LSM6: variants seen among roughly 807,000 people sequenced by gnomAD.
LSM6 encodes the protein U6 snRNA-associated Sm-like protein LSm6.
LSM6 carries 2 observed loss-of-function variants against 13.5 expected under a neutral mutation model. The ratio of observed to expected loss-of-function variants is 0.15; its 90% CI spans 0.06 to 0.47. LSM6 has a LOEUF of 0.47. Among genes scored for constraint, LSM6 ranks in the 20% least tolerant of loss-of-function variants. The pLI is 0.97. For synonymous variants in LSM6, 43 were observed against 34.9 expected, an observed-to-expected ratio of 1.23 and a Z score of -0.82; for missense variants, 58 against 96.4, an observed-to-expected ratio of 0.60 and a Z score of 1.67.
At chr4:146,189,364 A>AT (rs1468117687) in intron 3 of LSM6, among the ~76,000 whole-genome samples, 1 of 152,150 alleles carries the variant, frequency 6.6e-6, no homozygotes. Flanking sequence ...CATATATTTT[A>AT]TTTTATCTTC....
At chr4:146,188,571 A>G (rs1730398123) in intron 3 of LSM6, among the ~76,000 whole-genome samples, 1 of 152,216 alleles carries the variant, frequency 6.6e-6, no homozygotes, top group Non-Finnish European at 1.5e-5. Flanking sequence ...TCTTTGATGA[A>G]GACACCTTAC....
intron 2 of LSM6, among the ~76,000 whole-genome samples, chr4:146,186,205 A>T (rs1406344690): frequency 6.6e-6 from 1 of 152,338 alleles, no homozygotes; most frequent in East Asian, 1.9e-4. Context: ...TAATTTTATT[A>T]TTCACAGTCC....
At chr4:146,182,152 C>G (rs932721239) in intron 1 of LSM6, among the ~76,000 whole-genome samples, 1 of 150,548 alleles carries the variant, frequency 6.6e-6, no homozygotes, top group Non-Finnish European at 1.5e-5. Flanking sequence ...TTTAATCTTT[C>G]TGTGTCTTCT....
chr4:146,187,278 C>A lies in LSM6; in HGVS notation c.99C>A (p.Val33=). The A allele has an allele frequency of 6.2e-7, 1 of 1,600,700 alleles. No individual in the cohort carries two copies. The highest frequency in any genetic ancestry group is 8.6e-7 in the Non-Finnish European group (1 of 1,167,992). Residue 33 remains valine (V), a synonymous_variant, in exon 3 of 4, where the codon GTC becomes GTA. Coordinates refer to ENST00000296581, the MANE Select transcript of LSM6 (RefSeq NM_007080.3). ...KLNSGVDYRG[V]LACLDGYMNI... ...TTTGACTAAATATGTCTGCAGGGGTCCTGGCTTGCCTGGATGGCTACATGA... is the reference window on the plus strand; with the variant it reads ...TTTGACTAAATATGTCTGCAGGGGTACTGGCTTGCCTGGATGGCTACATGA...
chr4:146,188,381 T>C (rs991923340), intron 3 of LSM6, among the ~76,000 whole-genome samples: 9 of 151,056 alleles, frequency 6.0e-5, no homozygotes, highest in Non-Finnish European at 1.0e-4. Context: ...TCCTTTAACG[T>C]GCACACTACC....
At chr4:146,181,701 C>A (rs1300566053) in intron 1 of LSM6, among the ~76,000 whole-genome samples, 2 of 152,098 alleles carry the variant, frequency 1.3e-5, no homozygotes, top group Non-Finnish European at 2.9e-5. Flanking sequence ...AATATTGTAT[C>A]CATACTAACT....
intron 1 of LSM6, 41 bp from the exon 2 acceptor site, chr4:146,182,871 G>C: frequency 1.7e-6 from 2 of 1,153,700 alleles, no homozygotes; most frequent in Non-Finnish European, 2.6e-6. Flanking sequence ...AATCAACTTT[G>C]GTCTTTACCT....
chr4:146,189,560 T>C, intron 3 of LSM6, 62 bp from the exon 4 acceptor site: 9 of 1,040,062 alleles, frequency 8.7e-6, no homozygotes, highest in Non-Finnish European at 1.3e-5. Flanking sequence ...TTAAACTTGC[T>C]ACTATGTATA....
At chr4:146,186,170 G>A (rs183121400) in intron 2 of LSM6, among the ~76,000 whole-genome samples, 5 of 152,290 alleles carry the variant, frequency 3.3e-5, no homozygotes, top group African/African-American at 1.2e-4. Flanking sequence ...TAAAGTTGTA[G>A]CTTAAGCTTT....
At chr4:146,184,562 C>T (rs775929768) in intron 2 of LSM6, among the ~76,000 whole-genome samples, 19 of 151,982 alleles carry the variant, frequency 1.3e-4, no homozygotes, top group Admixed American at 4.6e-4. Flanking sequence ...ATAATGTCTC[C>T]GTGTACTGCC....
At chr4:146,186,511 T>C (rs1334799700) in intron 2 of LSM6, among the ~76,000 whole-genome samples, 1 of 152,196 alleles carries the variant, frequency 6.6e-6, no homozygotes, top group Non-Finnish European at 1.5e-5. Context: ...GATCATCAGG[T>C]CAAATTTTAC....
Position 146,191,258 on chromosome 4 carries a change from G to A in LSM6, c.*1602G>A, listed in dbSNP as rs1730463100. ...CTCATTTGTTTTGTAGAATATGTGG[G>A]GCTGCAGGTTATTGTGTCCCTTCAT... On this transcript the variant is annotated 3_prime_UTR_variant, in exon 4 of 4. Coordinates refer to ENST00000296581, the MANE Select transcript of LSM6 (RefSeq NM_007080.3). 6.6e-6 allele frequency: 1 copy of A among 152,080 alleles called. No individual in the cohort carries two copies. The highest frequency in any genetic ancestry group is 2.4e-5 in the African/African-American group (1 of 41,392). 9.4% of individuals were successfully genotyped at this position (152,080 alleles called of 1,614,324 possible).
chr4:146,183,057 AGT>A, intron 2 of LSM6, 42 bp downstream of exon 2: 1 of 1,358,392 alleles, frequency 7.4e-7, no homozygotes, highest in Non-Finnish European at 1.1e-6. Flanking sequence ...TAACTGAATA[AGT>A]AAATGTGACT....
intron 2 of LSM6, chr4:146,183,471 C>CA (rs535392452): frequency 0.23 from 33,485 of 146,406 alleles, 4,736 homozygotes; most frequent in Non-Finnish European, 0.32. Context: ...GACTCTGTCT[C>CA]AAAAAAAAAA....
intron 3 of LSM6, 77 bp downstream of exon 3, chr4:146,187,464 CT>C: frequency 2.3e-6 from 2 of 862,172 alleles, no homozygotes; most frequent in Non-Finnish European, 3.6e-6. Flanking sequence ...AAAGAGGTTT[CT>C]AGATAATTTA....
At chr4:146,188,144 G>A (rs1030927714) in intron 3 of LSM6, among the ~76,000 whole-genome samples, 3 of 152,144 alleles carry the variant, frequency 2.0e-5, no homozygotes, top group Non-Finnish European at 4.4e-5. Flanking sequence ...TATAATAAGA[G>A]TCTGTCCCCT....
intron 1 of LSM6, among the ~76,000 whole-genome samples, chr4:146,177,281 G>A (rs1442604336): frequency 2.0e-5 from 3 of 152,196 alleles, no homozygotes; most frequent in Non-Finnish European, 4.4e-5. Flanking sequence ...TCACTGAACT[G>A]TGGCATAGTA....
chr4:146,187,259 TA>T lies in LSM6; in HGVS notation c.95-12del. ...TTGCCTTGTGTATCTTCTTTTTGAC[TA>T]AATATGTCTGCAGGGGTCCTGGCTT... On this transcript the variant is annotated splice_polypyrimidine_tract_variant and intron_variant, in intron 2 of 3. Coordinates refer to ENST00000296581, the MANE Select transcript of LSM6 (RefSeq NM_007080.3). The T allele has an allele frequency of 6.7e-7, 1 of 1,491,778 alleles. No individual in the cohort carries two copies. Among genetic ancestry groups the T allele is most frequent in the Non-Finnish European group, 9.3e-7 (1 of 1,070,108 alleles). The allele number at this position is 1,491,778 out of a possible 1,614,324, so 92.4% of individuals were successfully genotyped here. A position where few individuals can be genotyped will look rare whatever the true frequency, so the allele number is the denominator to read the frequency against.
intron 2 of LSM6, among the ~76,000 whole-genome samples, chr4:146,183,870 C>CTTTT (rs1206702736): frequency 3.4e-5 from 4 of 117,496 alleles, no homozygotes; most frequent in Non-Finnish European, 5.3e-5. Context: ...GGGTAATTTT[C>CTTTT]TTTTTTTTTT....
Sources: gnomAD v4.1 joint callset for allele counts (sites outside exome capture counted in the v4.1 genomes callset) on GRCh38, gnomAD v4.1.1 for gene constraint, MANE v1.5 for transcripts, NCBI Gene and HGNC (gene_info 2026-07-23, HGNC 2026-07-21) for gene names.